ZNF618: variants seen among roughly 807,000 people sequenced by gnomAD.
The protein encoded by ZNF618 is zinc finger protein 618, also known as neural precursor cell expressed, developmentally down-regulated 10.
Under a neutral mutation model 103.0 loss-of-function variants are expected in ZNF618, and 34 were observed. The ratio of observed to expected loss-of-function variants is 0.33; its 90% CI spans 0.25 to 0.44. ZNF618 has a LOEUF of 0.44. Among genes scored for constraint, ZNF618 ranks in the 20% least tolerant of loss-of-function variants. The pLI, the probability that ZNF618 is intolerant of heterozygous loss-of-function variation, is 1.00. For synonymous variants in ZNF618, 551 were observed against 542.2 expected (o/e 1.02, Z -0.23); for missense variants, 1,059 against 1,295.4 (o/e 0.82, Z 2.80).
intron 1 of ZNF618, among the ~76,000 whole-genome samples, chr9:113,931,149 G>A (rs1046553615): frequency 5.9e-5 from 9 of 152,214 alleles, no homozygotes; most frequent in African/African-American, 2.2e-4. Context: ...AGGTGCTGTG[G>A]AGTGGGCAGA....
At chr9:113,888,995 A>T (rs1158547978) in intron 1 of ZNF618, among the ~76,000 whole-genome samples, 1 of 152,090 alleles carries the variant, frequency 6.6e-6, no homozygotes, top group East Asian at 1.9e-4. Flanking sequence ...ACATGCAAAA[A>T]TCCTCCAATC....
At chr9:113,913,312 A>G (rs745951328) in intron 1 of ZNF618, among the ~76,000 whole-genome samples, 25 of 152,194 alleles carry the variant, frequency 1.6e-4, no homozygotes, top group South Asian at 4.1e-4. Flanking sequence ...TTGAGATTTG[A>G]ATTCAGGATT....
Position 114,002,610 on chromosome 9 carries a change from C to CTT in ZNF618, c.512-13_512-12insTT. 1 of 1,609,642 alleles carries CTT rather than the reference C, an allele frequency of 6.2e-7. No homozygotes were observed. Among genetic ancestry groups the CTT allele is most frequent in the Non-Finnish European group, 8.5e-7 (1 of 1,179,546 alleles). ...GGTAGCCCCACCCCCATCCCTCTCT[C>CTT]TCTCTCTTTGCAGACACCGAAGCCA... On this transcript the variant is annotated splice_polypyrimidine_tract_variant and intron_variant, in intron 5 of 14. Coordinates refer to ENST00000374126, the MANE Select transcript of ZNF618 (RefSeq NM_001318042.2).
intron 1 of ZNF618, among the ~76,000 whole-genome samples, chr9:113,900,170 G>A (rs1463202136): frequency 6.6e-6 from 1 of 152,110 alleles, no homozygotes; most frequent in Non-Finnish European, 1.5e-5. Context: ...TGATTCTCGT[G>A]CCTCAGCTTG....
At chr9:113,978,656 A>G (rs1023845600) in intron 2 of ZNF618, among the ~76,000 whole-genome samples, 1 of 152,044 alleles carries the variant, frequency 6.6e-6, no homozygotes, top group African/African-American at 2.4e-5. Flanking sequence ...TGTTTTTATT[A>G]TTTTCTCTTG....
intron 13 of ZNF618, among the ~76,000 whole-genome samples, chr9:114,042,092 A>G (rs1448793247): frequency 6.6e-6 from 1 of 152,172 alleles, no homozygotes; most frequent in Non-Finnish European, 1.5e-5. Context: ...ATTTGTTTTC[A>G]TTGGAAATTG....
chr9:113,937,847 A>T (rs893876612), intron 1 of ZNF618, among the ~76,000 whole-genome samples: 21 of 150,390 alleles, frequency 1.4e-4, no homozygotes, highest in African/African-American at 5.1e-4. Context: ...TTAGTCTTTT[A>T]AATTGATCAG....
chr9:113,919,354 A>G (rs2131606780), intron 1 of ZNF618, among the ~76,000 whole-genome samples: 1 of 152,336 alleles, frequency 6.6e-6, no homozygotes, highest in East Asian at 1.9e-4. Context: ...GTCTCCCGAG[A>G]TGCACAGGCC....
chr9:113,896,693 A>G (rs1166500824), intron 1 of ZNF618, among the ~76,000 whole-genome samples: 1 of 152,054 alleles, frequency 6.6e-6, no homozygotes, highest in Non-Finnish European at 1.5e-5. Flanking sequence ...TAATTATTTC[A>G]AGAAATTGAG....
intron 1 of ZNF618, among the ~76,000 whole-genome samples, chr9:113,900,060 T>A (rs1326443566): frequency 6.6e-6 from 1 of 152,170 alleles, no homozygotes; most frequent in Non-Finnish European, 1.5e-5. Flanking sequence ...TTTCTATTTT[T>A]ATTTTTTTAT....
chr9:113,956,905 C>T (rs553945384), intron 1 of ZNF618, among the ~76,000 whole-genome samples: 4 of 152,200 alleles, frequency 2.6e-5, no homozygotes, highest in Middle Eastern at 3.2e-3. Context: ...AAGTGTCAGA[C>T]GCAGTTCTGA....
chr9:114,000,334 G>A (rs1296378820), intron 4 of ZNF618, among the ~76,000 whole-genome samples: 1 of 152,110 alleles, frequency 6.6e-6, no homozygotes, highest in Non-Finnish European at 1.5e-5. Flanking sequence ...GAAAGGTTGT[G>A]TCCGAGATCA....
intron 9 of ZNF618, among the ~76,000 whole-genome samples, chr9:114,013,055 A>G (rs879379968): frequency 6.6e-6 from 1 of 152,196 alleles, no homozygotes; most frequent in Non-Finnish European, 1.5e-5. Context: ...CATGAATTCA[A>G]GGTGGACTTG....
intron 13 of ZNF618, 74 bp downstream of exon 13, chr9:114,036,451 C>G: frequency 6.9e-7 from 1 of 1,444,518 alleles, no homozygotes; most frequent in Non-Finnish European, 9.5e-7. Flanking sequence ...TAGGGCCTGA[C>G]CTGAGGCCCC....
chr9:113,915,568 T>C (rs1161689810), intron 1 of ZNF618, among the ~76,000 whole-genome samples: 2 of 152,088 alleles, frequency 1.3e-5, no homozygotes, highest in African/African-American at 4.8e-5. Context: ...GGTAGAAAGA[T>C]TCTAATTAGC....
chr9:113,888,521 T>C (rs1380887289), intron 1 of ZNF618, among the ~76,000 whole-genome samples: 2 of 152,282 alleles, frequency 1.3e-5, no homozygotes, highest in African/African-American at 2.4e-5. Flanking sequence ...GGATTCAGAA[T>C]GCAAATTTAT....
intron 6 of ZNF618, among the ~76,000 whole-genome samples, chr9:114,006,705 T>C (rs1471560339): frequency 6.6e-6 from 1 of 152,336 alleles, no homozygotes; most frequent in South Asian, 2.1e-4. Flanking sequence ...GGTCTTTCCC[T>C]GGCTGCAGGC....
Position 114,026,792 on chromosome 9 carries a change from G to A in ZNF618, c.845-1941G>A, listed in dbSNP as rs188883987. Among the ~76,000 whole-genome samples the A allele has an allele frequency of 1.1e-3, 170 of 152,284 alleles. 1 individual carries two copies. Among genetic ancestry groups the A allele is most frequent in the African/African-American group, 3.9e-3 (162 of 41,560 alleles). On this transcript the variant is annotated intron_variant, in intron 10 of 14. Transcript: ENST00000374126. ...AGTTTATCATTCAGGATGCTTCTGA[G>A]ACTTTCTTGGATTCCCATAAAGTCC...
intron 1 of ZNF618, among the ~76,000 whole-genome samples, chr9:113,946,543 C>T (rs11792006): frequency 0.05 from 7,638 of 152,168 alleles, 214 homozygotes; most frequent in African/African-American, 0.073. Context: ...CACCTTTATG[C>T]CCCTGATGGC....
Sources: gnomAD v4.1 joint callset for allele counts (sites outside exome capture counted in the v4.1 genomes callset) on GRCh38, gnomAD v4.1.1 for gene constraint, MANE v1.5 for transcripts, NCBI Gene and HGNC (gene_info 2026-07-23, HGNC 2026-07-21) for gene names.